ATP8A2: variants seen among roughly 807,000 people sequenced by gnomAD.
ATP8A2 encodes the protein ATPase phospholipid transporting 8A2.
A neutral mutation model predicts 165.6 loss-of-function variants in ATP8A2; 100 were observed. The ratio of observed to expected loss-of-function variants is 0.60; its 90% CI spans 0.51 to 0.71. ATP8A2 has a LOEUF of 0.71. Ranked by LOEUF, ATP8A2 falls within the 30% of genes least tolerant of loss-of-function variation. The pLI is 0.00. For missense variants in ATP8A2, 1,227 were observed against 1,479.5 expected, an observed-to-expected ratio of 0.83 and a Z score of 2.80; for synonymous variants, 543 against 548.8, an observed-to-expected ratio of 0.99 and a Z score of 0.15.
intron 35 of ATP8A2, among the ~76,000 whole-genome samples, chr13:25,979,832 G>C (rs1022118357): frequency 1.3e-5 from 2 of 152,172 alleles, no homozygotes; most frequent in Non-Finnish European, 2.9e-5. Context: ...GGAGCAGTCA[G>C]GGAAGCCTCC....
At chr13:25,661,609 A>G (rs1335225834) in intron 24 of ATP8A2, among the ~76,000 whole-genome samples, 1 of 152,208 alleles carries the variant, frequency 6.6e-6, no homozygotes, top group East Asian at 1.9e-4. Context: ...ATTAAAACCA[A>G]TTTGCATAGC....
In ATP8A2 at chr13:25,510,174, AACACACACACACAC is replaced by A. The variant is rs57755000; in HGVS notation, c.222-19791_222-19778del. ...CCTTTGTCTGTTCCCGTCTGTCTGT[AACACACACACACAC>A]ACACACACACACACACACACACACA... On this transcript the variant is annotated intron_variant, in intron 2 of 36. Transcript: ENST00000381655. Among the ~76,000 whole-genome samples, 292 of 128,598 alleles carry A rather than the reference AACACACACACACAC, an allele frequency of 2.3e-3. 2 individuals carry two copies. Among genetic ancestry groups the A allele is most frequent in the African/African-American group, 7.9e-3 (268 of 33,870 alleles). 84.4% of individuals were successfully genotyped at this position (128,598 alleles called of 152,430 possible).
At chr13:25,663,270 G>T (rs2042087891) in intron 24 of ATP8A2, among the ~76,000 whole-genome samples, 1 of 152,172 alleles carries the variant, frequency 6.6e-6, no homozygotes, top group Non-Finnish European at 1.5e-5. Context: ...ATTCAATGCA[G>T]GAGTGACTTT....
At chr13:25,687,605 T>A (rs2042629828) in intron 24 of ATP8A2, among the ~76,000 whole-genome samples, 1 of 152,240 alleles carries the variant, frequency 6.6e-6, no homozygotes, top group Non-Finnish European at 1.5e-5. Flanking sequence ...ACTTCTGATC[T>A]GCGGTCACTT....
intron 33 of ATP8A2, among the ~76,000 whole-genome samples, chr13:25,924,642 T>TGGG (rs75949943): frequency 1.3e-5 from 2 of 151,758 alleles, no homozygotes; most frequent in Admixed American, 6.6e-5. Flanking sequence ...AACATTTGAT[T>TGGG]GGGGGGGAAT....
chr13:25,619,450 G>A (rs959311736), intron 24 of ATP8A2, among the ~76,000 whole-genome samples: 3 of 152,092 alleles, frequency 2.0e-5, no homozygotes, highest in African/African-American at 7.2e-5. Context: ...CTATTAGCAC[G>A]AAAAGACACT....
chr13:25,640,834 A>G (rs2041500362), intron 24 of ATP8A2, among the ~76,000 whole-genome samples: 1 of 152,240 alleles, frequency 6.6e-6, no homozygotes, highest in South Asian at 2.1e-4. Context: ...TCCCTGATGA[A>G]CATCAATGCA....
At chr13:25,451,888 T>C (rs1337415620) in intron 1 of ATP8A2, among the ~76,000 whole-genome samples, 1 of 149,964 alleles carries the variant, frequency 6.7e-6, no homozygotes, top group Non-Finnish European at 1.5e-5. Flanking sequence ...GGAGTCTCAC[T>C]CTTTTGCCCA....
intron 1 of ATP8A2, among the ~76,000 whole-genome samples, chr13:25,446,190 C>A (rs893368605): frequency 6.6e-6 from 1 of 152,088 alleles, no homozygotes; most frequent in African/African-American, 2.4e-5. Flanking sequence ...TCCAGGCCTG[C>A]CGTCATTGTC....
chr13:25,788,519 G>T (rs1397607634), intron 27 of ATP8A2, among the ~76,000 whole-genome samples: 1 of 152,142 alleles, frequency 6.6e-6, no homozygotes, highest in Non-Finnish European at 1.5e-5. Flanking sequence ...TGAGCTAGAA[G>T]CCCTGTCTTC....
At chr13:26,015,669 C>T (rs1956953830) in intron 36 of ATP8A2, among the ~76,000 whole-genome samples, 1 of 152,176 alleles carries the variant, frequency 6.6e-6, no homozygotes, top group South Asian at 2.1e-4. Flanking sequence ...AGAAATCCGT[C>T]TTTCCTCCCA....
At chr13:25,898,734 C>T (rs566504303) in intron 33 of ATP8A2, among the ~76,000 whole-genome samples, 7 of 152,264 alleles carry the variant, frequency 4.6e-5, no homozygotes, top group Admixed American at 1.3e-4. Context: ...CAATGGTGGG[C>T]GCCCCTCCAC....
chr13:25,832,984 G>A (rs934099883), intron 28 of ATP8A2, among the ~76,000 whole-genome samples: 8 of 151,626 alleles, frequency 5.3e-5, no homozygotes, highest in South Asian at 2.1e-4. Flanking sequence ...ATAAATACTC[G>A]AATTATAAGA....
Position 25,533,329 on chromosome 13 carries a change from A to G in ATP8A2, c.507+16A>G. Reference sequence around the variant, plus strand: ...GTGGAAAGAGGTAAAAACTAATTTTAAAGATGTACCAGTACTATTGGTTTG... The same window carrying G: ...GTGGAAAGAGGTAAAAACTAATTTTGAAGATGTACCAGTACTATTGGTTTG... On this transcript the variant is annotated intron_variant, in intron 6 of 36. Transcript: ENST00000381655. The G allele has an allele frequency of 7.0e-7, 1 of 1,420,188 alleles. No homozygotes were observed. The highest frequency in any genetic ancestry group is 9.9e-7 in the Non-Finnish European group (1 of 1,008,236). 88.0% of individuals were successfully genotyped at this position (1,420,188 alleles called of 1,614,324 possible).
intron 33 of ATP8A2, among the ~76,000 whole-genome samples, chr13:25,901,683 A>G (rs555049072): frequency 6.6e-6 from 1 of 152,344 alleles, no homozygotes; most frequent in South Asian, 2.1e-4. Context: ...GCTGATAACA[A>G]AGAAACTACT....
chr13:25,700,620 G>T lies in ATP8A2; in HGVS notation c.2384+1275G>T, dbSNP rs145586549. 3.3e-5 allele frequency among the ~76,000 whole-genome samples: 5 copies of T among 152,208 alleles called. No individual in the cohort carries two copies. The East Asian group carries it at 5.8e-4, about 18-fold the overall frequency. On this transcript the variant is annotated intron_variant, in intron 25 of 36. Transcript: ENST00000381655. ...CATTTCTCAATGTATGAGAATTTGG[G>T]TTTTTTACCCTTTTTGACTGTTACG...
intron 33 of ATP8A2, among the ~76,000 whole-genome samples, chr13:25,878,860 T>TA (rs1952892805): frequency 1.3e-5 from 2 of 152,136 alleles, no homozygotes; most frequent in African/African-American, 4.8e-5. Flanking sequence ...CACAGGAGCT[T>TA]AAAACCATCA....
At chr13:25,771,591 G>C (rs2044620068) in intron 26 of ATP8A2, among the ~76,000 whole-genome samples, 2 of 152,206 alleles carry the variant, frequency 1.3e-5, no homozygotes, top group Admixed American at 1.3e-4. Flanking sequence ...AATTAAAAGT[G>C]TCAAAGAAGG....
At chr13:25,512,883 C>A (rs534932259) in intron 2 of ATP8A2, among the ~76,000 whole-genome samples, 2 of 137,662 alleles carry the variant, frequency 1.5e-5, no homozygotes, top group African/African-American at 5.3e-5. Context: ...CCTCACCTCC[C>A]GGACGGGGTG....
Sources: allele counts gnomAD v4.1 joint callset (sites outside exome capture counted in the v4.1 genomes callset), GRCh38; gene constraint gnomAD v4.1.1; transcripts MANE v1.5; gene names NCBI Gene and HGNC (gene_info 2026-07-23, HGNC 2026-07-21).